Variants in MAGI1 observed in about 807,000 individuals in gnomAD.
MAGI1 encodes the protein membrane-associated guanylate kinase, WW and PDZ domain-containing protein 1.
MAGI1 carries 58 observed loss-of-function variants against 139.9 expected under a neutral mutation model. The observed-to-expected ratio is 0.41, with a 90% CI of 0.34 to 0.52. The LOEUF is 0.52. Ranked by LOEUF, MAGI1 falls within the 20% of genes least tolerant of loss-of-function variation. MAGI1 has a pLI of 0.12. For missense variants in MAGI1, 1,874 were observed against 1,901.6 expected, an observed-to-expected ratio of 0.99 and a Z score of 0.27; for synonymous variants, 812 against 737.9, an observed-to-expected ratio of 1.10 and a Z score of -1.63.
intron 2 of MAGI1, among the ~76,000 whole-genome samples, chr3:65,612,280 A>G (rs1488119123): frequency 1.3e-5 from 2 of 152,046 alleles, no homozygotes; most frequent in African/African-American, 4.8e-5. Flanking sequence ...AAATAACACC[A>G]TACACACTTT....
chr3:65,760,151 C>T (rs1444079493), intron 1 of MAGI1, among the ~76,000 whole-genome samples: 3 of 137,424 alleles, frequency 2.2e-5, no homozygotes, highest in Non-Finnish European at 3.1e-5. Context: ...CTTCAACTTC[C>T]TCCTCCTCCT....
chr3:65,482,511 C>G (rs1951354011), intron 3 of MAGI1, among the ~76,000 whole-genome samples: 1 of 152,168 alleles, frequency 6.6e-6, no homozygotes, highest in African/African-American at 2.4e-5. Flanking sequence ...AGTACTTTCT[C>G]TGTGAAATGG....
At chr3:65,589,367 C>A (rs987240876) in intron 2 of MAGI1, among the ~76,000 whole-genome samples, 1 of 152,174 alleles carries the variant, frequency 6.6e-6, no homozygotes, top group Non-Finnish European at 1.5e-5. Context: ...CCCCTTGTGA[C>A]TTTCCCGTCT....
At chr3:65,882,551 T>A (rs537687107) in intron 1 of MAGI1, among the ~76,000 whole-genome samples, 166 of 151,566 alleles carry the variant, frequency 1.1e-3, no homozygotes, top group Non-Finnish European at 2.1e-3. Context: ...GAGACATTCC[T>A]CAACTGGGGG....
intron 1 of MAGI1, among the ~76,000 whole-genome samples, chr3:65,714,335 C>T (rs1353581503): frequency 6.6e-6 from 1 of 152,014 alleles, no homozygotes; most frequent in Non-Finnish European, 1.5e-5. Context: ...TCGCAGTGAA[C>T]AATCTTGAGA....
At chr3:65,762,727 C>A (rs2037137229) in intron 1 of MAGI1, among the ~76,000 whole-genome samples, 2 of 152,280 alleles carry the variant, frequency 1.3e-5, no homozygotes, top group Admixed American at 1.3e-4. Flanking sequence ...TGAATTCTTA[C>A]ACCACCCACT....
At chr3:65,520,271 A>G (rs958498768) in intron 2 of MAGI1, among the ~76,000 whole-genome samples, 1 of 152,240 alleles carries the variant, frequency 6.6e-6, no homozygotes, top group Non-Finnish European at 1.5e-5. Context: ...AACCAAAAAA[A>G]GAATTCACGA....
chr3:65,575,089 T>C (rs72902255), intron 2 of MAGI1, among the ~76,000 whole-genome samples: 1 of 151,818 alleles, frequency 6.6e-6, no homozygotes, highest in Non-Finnish European at 1.5e-5. Flanking sequence ...AAATCTCTGT[T>C]CCCCAAAAGA....
chr3:65,526,851 A>G (rs1017586707), intron 2 of MAGI1, among the ~76,000 whole-genome samples: 2 of 152,200 alleles, frequency 1.3e-5, no homozygotes, highest in African/African-American at 4.8e-5. Flanking sequence ...CATCCAACCC[A>G]CAGCTGTTAG....
chr3:65,469,393 A>G (rs1263452037), intron 5 of MAGI1, among the ~76,000 whole-genome samples: 1 of 152,096 alleles, frequency 6.6e-6, no homozygotes, highest in Non-Finnish European at 1.5e-5. Context: ...TGATAGGATA[A>G]TAAAGTCAAA....
chr3:65,636,566 G>A (rs1035138983), intron 1 of MAGI1, among the ~76,000 whole-genome samples: 3 of 152,050 alleles, frequency 2.0e-5, no homozygotes, highest in African/African-American at 7.3e-5. Context: ...CTGCCATCCT[G>A]GTTTCCCCTC....
chr3:65,961,538 A>G (rs2064422773), intron 1 of MAGI1, among the ~76,000 whole-genome samples: 1 of 152,230 alleles, frequency 6.6e-6, no homozygotes, highest in African/African-American at 2.4e-5. Context: ...TCATTTGTGC[A>G]TTCAACATAG....
chr3:65,498,946 T>C, intron 2 of MAGI1: 3 of 943,582 alleles, frequency 3.2e-6, no homozygotes, highest in Non-Finnish European at 3.8e-6. Context: ...GTTGCCTTCA[T>C]TACACTACAT....
chr3:65,981,163 AAAAG>A (rs1430890747), intron 1 of MAGI1, among the ~76,000 whole-genome samples: 1 of 151,682 alleles, frequency 6.6e-6, no homozygotes, highest in African/African-American at 2.4e-5. Flanking sequence ...AAAAAAAAAA[AAAAG>A]AAAAGGAAAG....
At chr3:65,588,310 T>C (rs2081793044) in intron 2 of MAGI1, among the ~76,000 whole-genome samples, 1 of 152,048 alleles carries the variant, frequency 6.6e-6, no homozygotes, top group African/African-American at 2.4e-5. Context: ...GGTGAAGCAT[T>C]CCTCCCTAAA....
intron 1 of MAGI1, among the ~76,000 whole-genome samples, chr3:65,720,414 G>A (rs1576876725): frequency 6.6e-6 from 1 of 152,202 alleles, no homozygotes; most frequent in East Asian, 1.9e-4. Flanking sequence ...TGTTCTCCAG[G>A]CTTGGACTGA....
chr3:65,754,046 A>T (rs1183086968), intron 1 of MAGI1, among the ~76,000 whole-genome samples: 2 of 152,032 alleles, frequency 1.3e-5, no homozygotes, highest in Non-Finnish European at 2.9e-5. Context: ...AATCTTTCTC[A>T]TTGATCTTAG....
chr3:65,542,397 T>C (rs1449836956), intron 2 of MAGI1, among the ~76,000 whole-genome samples: 1 of 152,202 alleles, frequency 6.6e-6, no homozygotes, highest in African/African-American at 2.4e-5. Context: ...ATTGACTTTC[T>C]TCACAGAATT....
In MAGI1 at chr3:65,812,458, T is replaced by TCACACA. The variant is rs779884222; in HGVS notation, c.314-190371_314-190370insTGTGTG. 1.1e-3 allele frequency among the ~76,000 whole-genome samples: 114 copies of TCACACA among 101,710 alleles called. 2 individuals are homozygous for TCACACA. Among genetic ancestry groups the TCACACA allele is most frequent in the African/African-American group, 3.9e-3 (101 of 25,654 alleles). The allele number at this position is 101,710 out of a possible 152,430, so 66.7% of individuals were successfully genotyped here. On this transcript the variant is annotated intron_variant, in intron 1 of 22. Transcript: ENST00000402939. Reference sequence around the variant, plus strand: ...CTCTCTCTCTCTTTCTCTCTCTCTCTCTCTCTCTCTCACACACACACACAC... The same window carrying TCACACA: ...CTCTCTCTCTCTTTCTCTCTCTCTCTCACACACTCTCTCTCTCACACACACACACAC...
Sources: allele counts gnomAD v4.1 joint callset (sites outside exome capture counted in the v4.1 genomes callset), GRCh38; gene constraint gnomAD v4.1.1; transcripts MANE v1.5; gene names NCBI Gene and HGNC (gene_info 2026-07-23, HGNC 2026-07-21).